FAM151B: variants seen among roughly 807,000 people sequenced by gnomAD.
FAM151B encodes the protein protein FAM151B.
Under a neutral mutation model 31.2 loss-of-function variants are expected in FAM151B, and 24 were observed. That is an observed-to-expected ratio of 0.77 (90% confidence interval 0.56 to 1.08). The LOEUF (loss-of-function observed/expected upper bound fraction) is 1.08, where lower values mean the gene tolerates loss of function less well. FAM151B is among the 50% of genes least tolerant of loss of function. FAM151B has a pLI of 0.00. For missense variants in FAM151B, 293 were observed against 328.6 expected (o/e 0.89, Z 0.84); for synonymous variants, 105 against 111.4 (o/e 0.94, Z 0.36).
chr5:80,489,919 C>G (rs942028953), intron 1 of FAM151B, among the ~76,000 whole-genome samples: 1 of 150,910 alleles, frequency 6.6e-6, no homozygotes, highest in South Asian at 2.1e-4. Flanking sequence ...GAGAAACTGT[C>G]TCAAAACAAA....
At chr5:80,526,550 A>G (rs769095963) in intron 5 of FAM151B, among the ~76,000 whole-genome samples, 9 of 151,722 alleles carry the variant, frequency 5.9e-5, no homozygotes, top group Admixed American at 2.6e-4. Context: ...AATTTGGGAG[A>G]TGGTGGTTGC....
Position 80,541,967 on chromosome 5 carries a change from C to CCCACAGAGTAAGCATACAA in FAM151B, c.*135_*136insCCACAGAGTAAGCATACAA. ...CTAATCAAGAAACGTTTATTGTATG[C>CCCACAGAGTAAGCATACAA]TTACTCTGTGGGCATATGTCCTTAT... is the stretch of plus-strand genomic sequence containing the variant. On this transcript the variant is annotated 3_prime_UTR_variant, in exon 6 of 6. Transcript: ENST00000282226. 5.4e-6 allele frequency: 5 copies of CCCACAGAGTAAGCATACAA among 931,504 alleles called. No individual in the cohort carries two copies. Among genetic ancestry groups the CCCACAGAGTAAGCATACAA allele is most frequent in the Non-Finnish European group, 7.9e-6 (5 of 630,958 alleles). 57.7% of individuals were successfully genotyped at this position (931,504 alleles called of 1,614,324 possible).
intron 1 of FAM151B, among the ~76,000 whole-genome samples, chr5:80,499,413 T>C (rs909082452): frequency 1.3e-5 from 2 of 152,192 alleles, no homozygotes; most frequent in Non-Finnish European, 2.9e-5. Flanking sequence ...TGCTCACTCA[T>C]ATAGATGTTG....
At chr5:80,491,199 A>G (rs1267603294) in intron 1 of FAM151B, among the ~76,000 whole-genome samples, 3 of 71,784 alleles carry the variant, frequency 4.2e-5, no homozygotes, top group Non-Finnish European at 8.7e-5. Flanking sequence ...AATATATAAT[A>G]CACTATTATT....
At position 80,513,615 on chromosome 5, in the gene FAM151B, A is replaced by G. The variant is rs1340852812; in HGVS notation, c.163A>G (p.Met55Val). 5 of 1,613,092 alleles carry G rather than the reference A, an allele frequency of 3.1e-6. No individual in the cohort carries two copies. Among genetic ancestry groups the G allele is most frequent in the South Asian group, 1.1e-5 (1 of 90,784 alleles). ...TTTTATTTGGACAGGTACTGCTCAC[A>G]TGATAGAGGCTGATGTCCTTCTTCC... ...TNEALKSTAH[M>V]IEADVLLPSD... is the part of the protein sequence containing the mutation. The change falls in exon 3 of 6, where the codon ATG (methionine) becomes GTG (valine). Residue 55 changes from methionine (M) to valine (V), a missense_variant. By Grantham distance (21) the Met-to-Val change is conservative. Coordinates refer to ENST00000282226, the MANE Select transcript of FAM151B (RefSeq NM_205548.3).
chr5:80,540,856 G>C (rs1435127963), intron 5 of FAM151B, among the ~76,000 whole-genome samples: 1 of 152,180 alleles, frequency 6.6e-6, no homozygotes, highest in East Asian at 1.9e-4. Context: ...GGGCAGGAAT[G>C]TGTCAATATG....
At chr5:80,500,336 G>A (rs1743697864) in intron 1 of FAM151B, 1 of 879,634 alleles carries the variant, frequency 1.1e-6, no homozygotes, top group Non-Finnish European at 1.9e-6. Flanking sequence ...TGGAACCATG[G>A]AGGGTGTAGA....
intron 1 of FAM151B, among the ~76,000 whole-genome samples, chr5:80,494,821 G>A (rs1455672032): frequency 2.0e-5 from 3 of 152,096 alleles, no homozygotes; most frequent in Admixed American, 2.0e-4. Context: ...GCCAACAATA[G>A]ATTGTCAGTG....
At chr5:80,496,591 A>C (rs553206891) in intron 1 of FAM151B, among the ~76,000 whole-genome samples, 20 of 152,248 alleles carry the variant, frequency 1.3e-4, no homozygotes, top group African/African-American at 4.8e-4. Flanking sequence ...GTATGATACC[A>C]AGAGTGAATT....
intron 1 of FAM151B, chr5:80,499,027 A>AT (rs1743647751): frequency 5.7e-6 from 1 of 175,100 alleles, no homozygotes; most frequent in Admixed American, 6.0e-5. Flanking sequence ...AAAAAAAAAA[A>AT]GTAGTTTTAG....
At chr5:80,489,796 C>A (rs1351824902) in intron 1 of FAM151B, among the ~76,000 whole-genome samples, 1 of 148,742 alleles carries the variant, frequency 6.7e-6, no homozygotes, top group Admixed American at 6.7e-5. Context: ...GTGGTGGCGG[C>A]GCCTGTAGTC....
chr5:80,529,733 G>T (rs905017192), intron 5 of FAM151B, among the ~76,000 whole-genome samples: 1 of 152,166 alleles, frequency 6.6e-6, no homozygotes, highest in Non-Finnish European at 1.5e-5. Context: ...CTCTGAAATT[G>T]AGGGAATAAT....
intron 1 of FAM151B, 133 bp downstream of exon 1, chr5:80,488,281 G>T: frequency 8.5e-7 from 1 of 1,180,128 alleles, no homozygotes. Context: ...AGAACCGGGC[G>T]GCTGGGCTTG....
At chr5:80,508,974 T>C (rs1561365975) in intron 2 of FAM151B, among the ~76,000 whole-genome samples, 2 of 151,938 alleles carry the variant, frequency 1.3e-5, no homozygotes, top group Non-Finnish European at 2.9e-5. Context: ...AAACTCATGT[T>C]GAAATTTTTT....
At chr5:80,494,012 A>T (rs2112595471) in intron 1 of FAM151B, among the ~76,000 whole-genome samples, 1 of 152,184 alleles carries the variant, frequency 6.6e-6, no homozygotes, top group Non-Finnish European at 1.5e-5. Context: ...CAGCTGTAAA[A>T]TTTCTCTCTT....
rs184190847 is a variant in FAM151B, at chr5:80,495,722, C to T, written c.26-6070C>T. Among the ~76,000 whole-genome samples the T allele has an allele frequency of 2.1e-3, 309 of 150,094 alleles. 2 individuals carry two copies. Among genetic ancestry groups the T allele is most frequent in the African/African-American group, 7.2e-3 (294 of 40,708 alleles). On this transcript the variant is annotated intron_variant, in intron 1 of 5. Transcript: ENST00000282226. The stretch of plus-strand genomic sequence containing the variant: ...GCGGACGCCTGTAGTCCCAGCCACT[C>T]GGGTGGCTGAGGCAGGAGAATGGCA...
chr5:80,489,923 AAAC>A (rs1476881327), intron 1 of FAM151B, among the ~76,000 whole-genome samples: 1 of 151,496 alleles, frequency 6.6e-6, no homozygotes, highest in Admixed American at 6.6e-5. Context: ...AACTGTCTCA[AAAC>A]AAAAACAAAA....
In FAM151B at chr5:80,538,448, CTCTTTCTT is replaced by C. The variant is rs776089650; in HGVS notation, c.672-3194_672-3187del. 2.2e-3 allele frequency among the ~76,000 whole-genome samples: 108 copies of C among 49,350 alleles called. 7 individuals are homozygous for C. The highest frequency in any genetic ancestry group is 8.6e-3 in the South Asian group (11 of 1,274). 32.4% of individuals were successfully genotyped at this position (49,350 alleles called of 152,430 possible). The stretch of plus-strand genomic sequence containing the variant: ...TCTTTCTTTCTTTCTTTCTTTCTTT[CTCTTTCTT>C]TCTTTCTTTCTTTCTTTCTTTCTTT... On this transcript the variant is annotated intron_variant, in intron 5 of 5. Coordinates refer to ENST00000282226, the MANE Select transcript of FAM151B (RefSeq NM_205548.3).
At chr5:80,516,206 C>G (rs1371272614) in intron 3 of FAM151B, among the ~76,000 whole-genome samples, 2 of 152,112 alleles carry the variant, frequency 1.3e-5, no homozygotes, top group African/African-American at 4.8e-5. Context: ...TGCCTGTAAT[C>G]CCAGCTATTC....
Sources: allele counts gnomAD v4.1 joint callset (sites outside exome capture counted in the v4.1 genomes callset), GRCh38; gene constraint gnomAD v4.1.1; transcripts MANE v1.5; gene names NCBI Gene and HGNC (gene_info 2026-07-23, HGNC 2026-07-21).